The following PTPRQ variants were observed in gnomAD, a reference collection of about 807,000 sequenced individuals.
PTPRQ encodes phosphatidylinositol phosphatase PTPRQ.
PTPRQ carries 199 observed loss-of-function variants against 246.0 expected under a neutral mutation model. The ratio of observed to expected loss-of-function variants is 0.81; its 90% CI spans 0.72 to 0.91. The LOEUF is 0.91. Ranked by LOEUF, PTPRQ falls within the 40% of genes least tolerant of loss-of-function variation. PTPRQ has a pLI of 0.00. For synonymous variants in PTPRQ, 869 were observed against 853.2 expected, an observed-to-expected ratio of 1.02 and a Z score of -0.32; for missense variants, 2,624 against 2,528.4, an observed-to-expected ratio of 1.04 and a Z score of -0.81.
intron 33 of PTPRQ, among the ~76,000 whole-genome samples, chr12:80,629,971 A>T (rs1899360954): frequency 6.6e-6 from 1 of 152,216 alleles, no homozygotes; most frequent in South Asian, 2.1e-4. Flanking sequence ...TTATTTCTGA[A>T]GTAAAGTAAG....
intron 33 of PTPRQ, among the ~76,000 whole-genome samples, chr12:80,631,396 AT>A (rs779974785): frequency 5.9e-5 from 9 of 152,062 alleles, no homozygotes; most frequent in Non-Finnish European, 1.2e-4. Flanking sequence ...TGTTATTTGT[AT>A]TTCTTTTATT....
Position 80,613,698 on chromosome 12 carries a change from AG to A in PTPRQ, c.5026del (p.Val1676TyrfsTer34). 1 of 1,546,372 alleles carries A rather than the reference AG, an allele frequency of 6.5e-7. No homozygotes were observed. The highest frequency in any genetic ancestry group is 1.2e-5 in the South Asian group (1 of 83,888). ...CTTCTCAACCTAATGGAAATATCCA[AG>A]TATATCAAGCTCTGGTTTACCGAGA... ...PPSQPNGNIQ[V>X]YQALVYREDD... is the part of the protein sequence containing the mutation. On this transcript the variant is annotated frameshift_variant, in exon 29 of 45. Coordinates refer to ENST00000644991, the MANE Select transcript of PTPRQ (RefSeq NM_001145026.2). LOFTEE classifies it high-confidence loss of function.
chr12:80,586,282 G>C (rs1043684630), intron 25 of PTPRQ, among the ~76,000 whole-genome samples: 1 of 151,260 alleles, frequency 6.6e-6, no homozygotes, highest in Non-Finnish European at 1.5e-5. Context: ...GCAGCCAAAA[G>C]ACACATGAAA....
chr12:80,541,502 A>C (rs1896148798), intron 20 of PTPRQ, 53 bp from the exon 21 acceptor site: 1 of 1,322,240 alleles, frequency 7.6e-7, no homozygotes, highest in African/African-American at 1.5e-5. Flanking sequence ...GTGAATTTAG[A>C]TTCTGTTTAG....
In PTPRQ at chr12:80,496,219, A is replaced by G. The variant is rs749507912; in HGVS notation, c.1991-31A>G. On this transcript the variant is annotated intron_variant, in intron 13 of 44. Transcript: ENST00000644991. The stretch of plus-strand genomic sequence containing the variant: ...AAGCAACAAACATCAATAAAAATAT[A>G]GGTACTACAAATGTTCTTTTCTTCC... The G allele has an allele frequency of 1.5e-5, 23 of 1,541,530 alleles. No individual in the cohort carries two copies. The African/African-American group carries it at 2.8e-4, about 19-fold the overall frequency.
Position 80,506,054 on chromosome 12 carries a change from A to C in PTPRQ, c.2303A>C (p.Tyr768Ser). The C allele has an allele frequency of 6.5e-7, 1 of 1,546,970 alleles. No homozygotes were observed. Among genetic ancestry groups the C allele is most frequent in the Non-Finnish European group, 8.7e-7 (1 of 1,144,928 alleles). Reference sequence around the variant, plus strand: ...GATAGTGCACCAGAAAATATCACTTACAAAAATATTTCTTCTGGAGAGATT... The same window carrying C: ...GATAGTGCACCAGAAAATATCACTTCCAAAAATATTTCTTCTGGAGAGATT... ...VPDSAPENIT[Y>S]KNISSGEIEL... is the part of the protein sequence containing the mutation. The change falls in exon 15 of 45, where the codon TAC becomes TCC. Residue 768 changes from tyrosine to serine, a missense_variant. By Grantham distance (144) the Tyr-to-Ser change is moderately radical. Transcript: ENST00000644991.
At chr12:80,655,579 CTCTCTCTCTCTG>C (rs1900405621) in intron 38 of PTPRQ, among the ~76,000 whole-genome samples, 1 of 151,780 alleles carries the variant, frequency 6.6e-6, no homozygotes, top group Non-Finnish European at 1.5e-5. Flanking sequence ...CTGTCTCTCT[CTCTCTCTCTCTG>C]TCTCTCTCTC....
intron 17 of PTPRQ, among the ~76,000 whole-genome samples, chr12:80,530,032 G>T (rs1342507951): frequency 6.6e-6 from 1 of 152,094 alleles, no homozygotes; most frequent in East Asian, 1.9e-4. Flanking sequence ...TTTGTACACA[G>T]TTTATGACTT....
chr12:80,506,174 T>C lies in PTPRQ; in HGVS notation c.2423T>C (p.Ile808Thr). ...AGTAATGGAAATGAGGAAAGAACTA[T>C]AAATACAACCTCTTTAACCCAAAAC... ...KRSNGNEERTINTTSLTQNIK... is the reference protein window; with the variant it reads ...KRSNGNEERTTNTTSLTQNIK... Residue 808 changes from isoleucine (I) to threonine (T), a missense_variant, in exon 15 of 45, where the codon ATA becomes ACA. Coordinates refer to ENST00000644991, the MANE Select transcript of PTPRQ (RefSeq NM_001145026.2). The C allele has an allele frequency of 6.6e-7, 1 of 1,518,042 alleles. No individual in the cohort carries two copies. Among genetic ancestry groups the C allele is most frequent in the African/African-American group, 1.4e-5 (1 of 71,484 alleles). The allele number at this position is 1,518,042 out of a possible 1,614,324, so 94.0% of individuals were successfully genotyped here.
At chr12:80,629,566 G>C (rs1047133131) in intron 33 of PTPRQ, among the ~76,000 whole-genome samples, 1 of 152,018 alleles carries the variant, frequency 6.6e-6, no homozygotes, top group Admixed American at 6.6e-5. Context: ...CAAGCAAGGT[G>C]GGGACTGGAA....
chr12:80,445,581 G>T lies in PTPRQ; in HGVS notation c.254G>T (p.Arg85Met), dbSNP rs888732444. 9.0e-6 allele frequency: 14 copies of T among 1,549,504 alleles called. No homozygotes were observed. The highest frequency in any genetic ancestry group is 1.7e-4 in the Middle Eastern group (1 of 5,988). The change falls in exon 3 of 45, where the codon AGG (arginine) becomes ATG (methionine). Residue 85 changes from arginine to methionine, a missense_variant. Physicochemically the swap from Arg to Met is moderately conservative, Grantham distance 91. Transcript: ENST00000644991. Reference protein sequence around the residue: ...SWNTPPNPNGRIISYIVKYKE... With the variant: ...SWNTPPNPNGMIISYIVKYKE... ...AATACACCACCTAATCCAAATGGAA[G>T]GATTATATCTTACATTGTCAAATAT...
chr12:80,632,600 A>G (rs1899482290), intron 34 of PTPRQ, among the ~76,000 whole-genome samples: 1 of 152,350 alleles, frequency 6.6e-6, no homozygotes, highest in South Asian at 2.1e-4. Context: ...CTAAGAGTCC[A>G]GAAGTAGCAA....
At chr12:80,454,467 C>T (rs1479606662) in intron 3 of PTPRQ, 2 of 692,636 alleles carry the variant, frequency 2.9e-6, no homozygotes, top group Non-Finnish European at 5.2e-6. Context: ...ATTTCTTTCT[C>T]TTGCTTGATC....
intron 6 of PTPRQ, among the ~76,000 whole-genome samples, chr12:80,466,581 GC>G (rs1360238010): frequency 1.1e-4 from 17 of 152,298 alleles, no homozygotes; most frequent in African/African-American, 3.6e-4. Context: ...AAAGCTGGAG[GC>G]ATCACACTAC....
At chr12:80,530,357 TA>T (rs759798676) in intron 17 of PTPRQ, among the ~76,000 whole-genome samples, 8 of 152,228 alleles carry the variant, frequency 5.3e-5, no homozygotes, top group Non-Finnish European at 8.8e-5. Flanking sequence ...ATTTTGAGGA[TA>T]GGGGCTGTAT....
At chr12:80,582,570 G>C (rs1045474824) in intron 25 of PTPRQ, among the ~76,000 whole-genome samples, 4 of 152,166 alleles carry the variant, frequency 2.6e-5, no homozygotes, top group African/African-American at 9.7e-5. Context: ...ACAATAAGAA[G>C]CCAGCAGTCT....
chr12:80,539,471 T>C (rs769535442), intron 19 of PTPRQ, among the ~76,000 whole-genome samples: 10 of 152,160 alleles, frequency 6.6e-5, no homozygotes, highest in Non-Finnish European at 1.3e-4. Flanking sequence ...AAAGTGATGC[T>C]GATCAGCACA....
intron 25 of PTPRQ, among the ~76,000 whole-genome samples, chr12:80,572,494 A>T (rs1462307035): frequency 6.6e-6 from 1 of 151,886 alleles, no homozygotes; most frequent in Non-Finnish European, 1.5e-5. Context: ...TAACTCCATG[A>T]CTTTATTGTT....
chr12:80,626,459 C>T (rs992557828), intron 33 of PTPRQ, among the ~76,000 whole-genome samples: 1 of 152,006 alleles, frequency 6.6e-6, no homozygotes, highest in Non-Finnish European at 1.5e-5. Context: ...AATAAAGATA[C>T]CTGTCATTGT....
Sources: allele counts gnomAD v4.1 joint callset (sites outside exome capture counted in the v4.1 genomes callset), GRCh38; gene constraint gnomAD v4.1.1; transcripts MANE v1.5; gene names NCBI Gene and HGNC (gene_info 2026-07-23, HGNC 2026-07-21).